The following ZNF44 variants were observed in gnomAD, a reference collection of about 807,000 sequenced individuals.
ZNF44 encodes the protein zinc finger protein 44.
A neutral mutation model predicts 11.7 loss-of-function variants in ZNF44; 9 were observed. The observed-to-expected ratio is 0.77, with a 90% CI of 0.46 to 1.35. ZNF44 has a LOEUF of 1.35. ZNF44 is among the 40% of genes most tolerant of loss of function. ZNF44 has a pLI of 0.00. For synonymous variants in ZNF44, 224 were observed against 242.7 expected, an observed-to-expected ratio of 0.92 and a Z score of 0.72; for missense variants, 696 against 743.1, an observed-to-expected ratio of 0.94 and a Z score of 0.74.
chr19:12,276,795 A>C (rs1175241415), intron 1 of ZNF44, among the ~76,000 whole-genome samples: 2 of 152,210 alleles, frequency 1.3e-5, no homozygotes, highest in African/African-American at 4.8e-5. Flanking sequence ...TAATCCACTC[A>C]TGTATGAATG....
intron 2 of ZNF44, chr19:12,234,545 G>A (rs868500879): frequency 6.6e-6 from 1 of 152,208 alleles, no homozygotes; most frequent in Non-Finnish European, 1.5e-5. Context: ...ATTGTGCACT[G>A]CAGCCATGCT....
intron 2 of ZNF44, among the ~76,000 whole-genome samples, chr19:12,275,498 A>C (rs1339031771): frequency 1.3e-5 from 2 of 152,112 alleles, no homozygotes; most frequent in African/African-American, 4.8e-5. Flanking sequence ...AATACAAAAA[A>C]TTAGCTGGGC....
At position 12,274,266 on chromosome 19, in the gene ZNF44, CTT is replaced by C. The variant is rs869093549; in HGVS notation, c.192-205_192-204del. 9.9e-3 allele frequency among the ~76,000 whole-genome samples: 896 copies of C among 90,144 alleles called. 2 individuals are homozygous for C. The highest frequency in any genetic ancestry group is 0.037 in the African/African-American group (836 of 22,638). 59.1% of individuals were successfully genotyped at this position (90,144 alleles called of 152,430 possible). A position where few individuals can be genotyped will look rare whatever the true frequency, so the allele number is the denominator to read the frequency against. Reference sequence around the variant, plus strand: ...GATATGCACATGGGGATTCTTAATTCTTTTTTTTTTTTTTTTTTTTTTTTGAG... The same window carrying C: ...GATATGCACATGGGGATTCTTAATTCTTTTTTTTTTTTTTTTTTTTTTGAG... On this transcript the variant is annotated intron_variant, in intron 3 of 3. Coordinates refer to ENST00000355684, the MANE Select transcript of ZNF44 (RefSeq NM_016264.4).
chr19:12,249,865 T>G (rs1916923540), intron 7 of ZNF44: 1 of 769,082 alleles, frequency 1.3e-6, no homozygotes. Context: ...TAATATTTTC[T>G]AAGAACAGAT....
intron 1 of ZNF44, among the ~76,000 whole-genome samples, chr19:12,288,311 C>G (rs1245094119): frequency 1.3e-5 from 2 of 152,080 alleles, no homozygotes; most frequent in Non-Finnish European, 2.9e-5. Flanking sequence ...TCAAGAATAC[C>G]TAAATGGAAG....
chr19:12,281,086 T>C (rs903610045), intron 1 of ZNF44, among the ~76,000 whole-genome samples: 2 of 152,182 alleles, frequency 1.3e-5, no homozygotes, highest in Non-Finnish European at 2.9e-5. Flanking sequence ...AACAGCACTA[T>C]CAATCAACTG....
At chr19:12,235,565 A>G (rs1430747088) in intron 1 of ZNF44, among the ~76,000 whole-genome samples, 1 of 152,214 alleles carries the variant, frequency 6.6e-6, no homozygotes, top group Non-Finnish European at 1.5e-5. Flanking sequence ...AAAAGTTCTC[A>G]ACAAATATTC....
At chr19:12,240,553 T>C (rs1207999973), upstream of ZNF44, among the ~76,000 whole-genome samples, 1 of 151,884 alleles carries the variant, frequency 6.6e-6, no homozygotes, top group Admixed American at 6.6e-5. Flanking sequence ...CGCTTCCTGA[T>C]TTCAAACTGG....
At chr19:12,238,626 A>C (rs1916490357), upstream of ZNF44, among the ~76,000 whole-genome samples, 1 of 114,332 alleles carries the variant, frequency 8.7e-6, no homozygotes, top group Non-Finnish European at 1.6e-5. Flanking sequence ...GACTGTCTCA[A>C]AAAAAAAAAA....
chr19:12,292,779 T>C (rs2145775744), intron 1 of ZNF44, among the ~76,000 whole-genome samples: 1 of 151,960 alleles, frequency 6.6e-6, no homozygotes, highest in Middle Eastern at 3.4e-3. Flanking sequence ...CACCATCCAA[T>C]TTTCTGATAA....
At chr19:12,279,752 G>A (rs1175390012) in intron 1 of ZNF44, among the ~76,000 whole-genome samples, 1 of 150,158 alleles carries the variant, frequency 6.7e-6, no homozygotes, top group Non-Finnish European at 1.5e-5. Context: ...GCAGCTGCAA[G>A]ATACAACAAC....
intron 3 of ZNF44, chr19:12,226,668 G>A (rs1348427069): frequency 2.0e-5 from 3 of 152,192 alleles, no homozygotes; most frequent in African/African-American, 7.2e-5. Context: ...TTTGTTCATG[G>A]AAGCATACTA....
At chr19:12,257,861 C>T (rs149620953) in intron 5 of ZNF44, among the ~76,000 whole-genome samples, 84 of 150,010 alleles carry the variant, frequency 5.6e-4, no homozygotes, top group Admixed American at 4.4e-3. Context: ...ATCCCAGCTA[C>T]TCGGGAGGCC....
Position 12,226,806 on chromosome 19 carries a change from T to C in ZNF44, n.437-279A>G, listed in dbSNP as rs10403790. ...TCCAGGCTGGGCGTGGTGGGTCCCA[T>C]CTGTAATCCCAGCACTTTGGGAGGC... On this transcript the variant is annotated intron_variant and non_coding_transcript_variant, in intron 3 of 3. Transcript: ENST00000597563. 4.3e-3 allele frequency among the ~76,000 whole-genome samples: 649 copies of C among 152,116 alleles called. 3 individuals are homozygous for C. The highest frequency in any genetic ancestry group is 0.015 in the African/African-American group (636 of 41,508).
downstream of ZNF44, among the ~76,000 whole-genome samples, chr19:12,267,899 T>G (rs1396427246): frequency 6.7e-6 from 1 of 149,702 alleles, no homozygotes; most frequent in Non-Finnish European, 1.5e-5. Flanking sequence ...TACAGTGGTG[T>G]GATCTCGGTT....
At chr19:12,290,917 T>TA (rs1013407813) in intron 1 of ZNF44, 23 of 178,372 alleles carry the variant, frequency 1.3e-4, no homozygotes, top group Middle Eastern at 2.5e-3. Context: ...GCCATTTGCT[T>TA]ACCCTTTCAT....
At chr19:12,227,574 C>G (rs1237709092) in intron 3 of ZNF44, among the ~76,000 whole-genome samples, 4 of 152,176 alleles carry the variant, frequency 2.6e-5, no homozygotes, top group South Asian at 2.1e-4. Flanking sequence ...CCATTGCACT[C>G]CAGCCTGGGC....
chr19:12,236,228 A>T (rs941457307), intron 1 of ZNF44, among the ~76,000 whole-genome samples: 1 of 152,186 alleles, frequency 6.6e-6, no homozygotes, highest in Non-Finnish European at 1.5e-5. Flanking sequence ...AGAATTGTGG[A>T]TTTGAGACCT....
downstream of ZNF44, among the ~76,000 whole-genome samples, chr19:12,267,857 GAC>G (rs1202545293): frequency 3.4e-5 from 5 of 147,064 alleles, no homozygotes; most frequent in East Asian, 8.0e-4. Context: ...TAATTTTTGA[GAC>G]AGAGTCTTGC....
Sources: gnomAD v4.1 joint callset for allele counts (sites outside exome capture counted in the v4.1 genomes callset) on GRCh38, gnomAD v4.1.1 for gene constraint, MANE v1.5 for transcripts, NCBI Gene and HGNC (gene_info 2026-07-23, HGNC 2026-07-21) for gene names.